The following AGK variants were observed in gnomAD, a reference collection of about 807,000 sequenced individuals.
AGK encodes acylglycerol kinase, also known as acylglycerol kinase, mitochondrial.
Under a neutral mutation model 66.4 loss-of-function variants are expected in AGK, and 52 were observed. The ratio of observed to expected loss-of-function variants is 0.78; its 90% CI spans 0.63 to 0.99. The LOEUF (loss-of-function observed/expected upper bound fraction) is 0.99, where lower values mean the gene tolerates loss of function less well. AGK is among the 50% of genes least tolerant of loss of function. AGK has a pLI of 0.00. For synonymous variants in AGK, 182 were observed against 181.1 expected (o/e 1.00, Z -0.04); for missense variants, 451 against 506.6 (o/e 0.89, Z 1.05).
chr7:141,648,149 A>G (rs906417349), intron 13 of AGK, among the ~76,000 whole-genome samples: 1 of 152,060 alleles, frequency 6.6e-6, no homozygotes, highest in African/African-American at 2.4e-5. Context: ...TTCATAACAC[A>G]GCCACTGCCA....
rs1383285318 is a variant in AGK at position 141,641,806 on chromosome 7, C to T, written c.878-5C>T. The T allele has an allele frequency of 3.2e-6, 5 of 1,568,818 alleles. No homozygotes were observed. The highest frequency in any genetic ancestry group is 4.3e-6 in the Non-Finnish European group (5 of 1,155,688). ...AACTGACCTGTATCTAATGGATTCC[C>T]ACAGCCCTTTCCCAAGAGGTGAGCC... is the stretch of plus-strand genomic sequence containing the variant. On this transcript the variant is annotated splice_region_variant and splice_polypyrimidine_tract_variant and intron_variant, in intron 12 of 15. Transcript: ENST00000649286.
At chr7:141,589,247 C>G (rs1037386676) in intron 2 of AGK, among the ~76,000 whole-genome samples, 2 of 152,134 alleles carry the variant, frequency 1.3e-5, no homozygotes, top group Non-Finnish European at 1.5e-5. Flanking sequence ...TTTCTGTTAC[C>G]TGATAATGCC....
At chr7:141,610,719 G>T (rs1055531459) in intron 5 of AGK, among the ~76,000 whole-genome samples, 5 of 152,148 alleles carry the variant, frequency 3.3e-5, no homozygotes, top group Non-Finnish European at 4.4e-5. Context: ...CATAATTTCA[G>T]TGATGAGGAA....
chr7:141,580,830 A>G (rs1448189111), intron 2 of AGK, among the ~76,000 whole-genome samples: 2 of 152,008 alleles, frequency 1.3e-5, no homozygotes, highest in Middle Eastern at 3.2e-3. Context: ...GCTGTATGTA[A>G]TGAAAAGGGA....
At chr7:141,647,760 T>A (rs1316232173) in intron 13 of AGK, among the ~76,000 whole-genome samples, 1 of 152,178 alleles carries the variant, frequency 6.6e-6, no homozygotes, top group Non-Finnish European at 1.5e-5. Context: ...AATCTCTGCC[T>A]CCTGGGTTCT....
intron 10 of AGK, 72 bp from the exon 11 acceptor site, chr7:141,636,888 C>T (rs961226229): frequency 8.7e-6 from 11 of 1,259,976 alleles, no homozygotes; most frequent in Non-Finnish European, 1.3e-5. Flanking sequence ...GTATTGTCTG[C>T]CATGAATGGT....
intron 2 of AGK, among the ~76,000 whole-genome samples, chr7:141,571,086 A>G (rs955432091): frequency 2.0e-5 from 3 of 152,202 alleles, no homozygotes; most frequent in South Asian, 2.1e-4. Context: ...AAATTGTGTT[A>G]TTATATTCAT....
At chr7:141,614,100 G>T (rs751544302) in intron 6 of AGK, 46 bp from the exon 7 acceptor site, 5 of 1,331,140 alleles carry the variant, frequency 3.8e-6, no homozygotes, top group Non-Finnish European at 5.3e-6. Context: ...TTATTGTAAA[G>T]GAAATACATA....
intron 8 of AGK, among the ~76,000 whole-genome samples, chr7:141,616,859 C>G (rs958670170): frequency 2.0e-5 from 3 of 151,358 alleles, no homozygotes; most frequent in African/African-American, 7.3e-5. Context: ...CCCAGGTTCA[C>G]GCCATTCTCT....
chr7:141,616,143 T>A (rs1796697050), intron 8 of AGK: 1 of 152,208 alleles, frequency 6.6e-6, no homozygotes, highest in Non-Finnish European at 1.5e-5. Flanking sequence ...GTTGTTATTA[T>A]TGTTCTTTTT....
intron 2 of AGK, among the ~76,000 whole-genome samples, chr7:141,582,160 TG>T (rs1795895775): frequency 6.6e-6 from 1 of 151,972 alleles, no homozygotes; most frequent in Non-Finnish European, 1.5e-5. Flanking sequence ...CAATTTCCAG[TG>T]GGGTCCTGTA....
In AGK at chr7:141,596,536, G is replaced by A. The variant is rs764798181; in HGVS notation, c.142-26G>A. 5 of 1,604,154 alleles carry A rather than the reference G, an allele frequency of 3.1e-6. No homozygotes were observed. The South Asian group carries it at 5.5e-5, about 18-fold the overall frequency. ...TTTACCAAATAAATGGACTTTTACT[G>A]AAAACTTTGCTCTTTTCTTTTTTAG... On this transcript the variant is annotated intron_variant, in intron 3 of 15. Coordinates refer to ENST00000649286, the MANE Select transcript of AGK (RefSeq NM_018238.4).
intron 5 of AGK, among the ~76,000 whole-genome samples, chr7:141,605,761 T>A (rs1318375139): frequency 6.6e-6 from 1 of 152,170 alleles, no homozygotes; most frequent in Non-Finnish European, 1.5e-5. Context: ...ACCTGCTCAG[T>A]TATACAATTA....
intron 8 of AGK, among the ~76,000 whole-genome samples, chr7:141,621,515 TCTC>T (rs547375746): frequency 3.0e-4 from 45 of 152,024 alleles, no homozygotes; most frequent in Non-Finnish European, 4.9e-4. Flanking sequence ...TGTATGAACT[TCTC>T]CTTGCCAAAG....
At chr7:141,621,477 A>G (rs1226395341) in intron 8 of AGK, among the ~76,000 whole-genome samples, 2 of 152,196 alleles carry the variant, frequency 1.3e-5, no homozygotes, top group Non-Finnish European at 2.9e-5. Flanking sequence ...GACTCAGTAA[A>G]TGTTAAATGA....
Position 141,637,032 on chromosome 7 carries a change from C to T in AGK, c.726+15C>T. On this transcript the variant is annotated intron_variant, in intron 11 of 15. Coordinates refer to ENST00000649286, the MANE Select transcript of AGK (RefSeq NM_018238.4). ...GCACTCTTAAGGTAAATGTGATTTACAGTGTAGAAATTTGCTGTGTTATTT... is the reference window on the plus strand; with the variant it reads ...GCACTCTTAAGGTAAATGTGATTTATAGTGTAGAAATTTGCTGTGTTATTT... The T allele has an allele frequency of 6.2e-7, 1 of 1,608,012 alleles. No homozygotes were observed. The highest frequency in any genetic ancestry group is 1.3e-5 in the African/African-American group (1 of 74,800).
intron 14 of AGK, 79 bp from the exon 15 acceptor site, chr7:141,651,446 G>T: frequency 8.7e-7 from 1 of 1,152,438 alleles, no homozygotes; most frequent in Non-Finnish European, 1.3e-6. Flanking sequence ...ATAAAAAGGG[G>T]GAAAGAAGTT....
intron 5 of AGK, among the ~76,000 whole-genome samples, chr7:141,601,993 T>C (rs1379369444): frequency 6.6e-6 from 1 of 152,078 alleles, no homozygotes; most frequent in African/African-American, 2.4e-5. Context: ...ATTTTCCAGT[T>C]GTTTGCCCCC....
intron 5 of AGK, among the ~76,000 whole-genome samples, chr7:141,603,962 C>A (rs191525179): frequency 6.6e-6 from 1 of 152,278 alleles, no homozygotes; most frequent in Non-Finnish European, 1.5e-5. Flanking sequence ...TCTCTTTTAT[C>A]ATCTTACACT....
Sources: gnomAD v4.1 joint callset for allele counts (sites outside exome capture counted in the v4.1 genomes callset) on GRCh38, gnomAD v4.1.1 for gene constraint, MANE v1.5 for transcripts, NCBI Gene and HGNC (gene_info 2026-07-23, HGNC 2026-07-21) for gene names.